SLC39A13: variants seen among roughly 807,000 people sequenced by gnomAD.
SLC39A13 encodes zinc transporter ZIP13.
Under a neutral mutation model 38.7 loss-of-function variants are expected in SLC39A13, and 18 were observed. The observed-to-expected ratio is 0.47, with a 90% CI of 0.32 to 0.69. The LOEUF (loss-of-function observed/expected upper bound fraction) is 0.69, where lower values mean the gene tolerates loss of function less well. SLC39A13 is among the 30% of genes least tolerant of loss of function. The probability of loss-of-function intolerance (pLI) is 0.03; values close to 1 mark genes in which losing one functional copy is unlikely to be tolerated. For missense variants in SLC39A13, 395 were observed against 490.7 expected, an observed-to-expected ratio of 0.80 and a Z score of 1.84; for synonymous variants, 212 against 219.1, an observed-to-expected ratio of 0.97 and a Z score of 0.29.
At chr11:47,407,890 T>C (rs1186473471), upstream of SLC39A13, among the ~76,000 whole-genome samples, 2 of 152,232 alleles carry the variant, frequency 1.3e-5, no homozygotes, top group African/African-American at 4.8e-5. Context: ...TCTAGCTTCC[T>C]CCAGGTGAGG....
rs1374450321 is a variant in SLC39A13, at chr11:47,415,593, G to A, written c.*230G>A. 6 of 639,254 alleles carry A rather than the reference G, an allele frequency of 9.4e-6. No homozygotes were observed. Among genetic ancestry groups the A allele is most frequent in the East Asian group, 5.5e-5 (2 of 36,060 alleles). 39.6% of individuals were successfully genotyped at this position (639,254 alleles called of 1,614,324 possible). ...TGCTGGGTCCGGGGCCCAGTGTAGC[G>A]CCTGTCCCCAGCCATGCTGTGGTTA... On this transcript the variant is annotated 3_prime_UTR_variant, in exon 10 of 10. Transcript: ENST00000362021.
In SLC39A13 at chr11:47,411,930, G is replaced by C. The variant is rs1373427652; in HGVS notation, c.306G>C (p.Gly102=). The change falls in exon 3 of 10, where the codon GGG becomes GGC. Residue 102 remains glycine, a synonymous_variant. Transcript: ENST00000362021. The part of the protein sequence containing the change: ...EMGTMLRSEA[G]AWRLKQLLSF... ...CCCCGCATCTCTCCCTTGTAGCTGG[G>C]GCCTGGCGCCTGAAGCAGCTGCTCA... The C allele has an allele frequency of 6.2e-7, 1 of 1,613,120 alleles. No individual in the cohort carries two copies. Among genetic ancestry groups the C allele is most frequent in the Non-Finnish European group, 8.5e-7 (1 of 1,179,716 alleles).
At chr11:47,409,986 GA>G (rs2095989268) in intron 1 of SLC39A13, 100 bp from the exon 2 acceptor site, 1 of 1,413,158 alleles carries the variant, frequency 7.1e-7, no homozygotes, top group East Asian at 2.3e-5. Flanking sequence ...CAGGAGGGTG[GA>G]TGCCAGGGTC....
intron 4 of SLC39A13, among the ~76,000 whole-genome samples, chr11:47,413,090 C>T (rs756268768): frequency 2.7e-4 from 41 of 151,542 alleles, no homozygotes; most frequent in African/African-American, 9.0e-4. Context: ...GGCGCGATCT[C>T]GGCTCACTAC....
chr11:47,412,580 TC>T (rs2096005234), intron 4 of SLC39A13, 113 bp downstream of exon 4: 8 of 1,568,784 alleles, frequency 5.1e-6, no homozygotes, highest in Non-Finnish European at 6.1e-6. Flanking sequence ...CTCCTGGCCC[TC>T]TCCTGGGAGC....
At chr11:47,415,225 G>A in intron 9 of SLC39A13, 63 bp from the exon 10 acceptor site, 1 of 1,613,170 alleles carries the variant, frequency 6.2e-7, no homozygotes, top group South Asian at 1.1e-5. Context: ...GGAGGGAAGG[G>A]CTCCTGGCCG....
intron 9 of SLC39A13, 43 bp downstream of exon 9, chr11:47,415,202 C>T (rs772157149): frequency 6.2e-7 from 1 of 1,612,536 alleles, no homozygotes; most frequent in Non-Finnish European, 8.5e-7. Context: ...CTCACAGGGC[C>T]CTTAGGGGCT....
chr11:47,410,442 G>C (rs2095993051), intron 2 of SLC39A13, 47 bp downstream of exon 2: 1 of 1,605,870 alleles, frequency 6.2e-7, no homozygotes, highest in South Asian at 1.1e-5. Context: ...GGTGTGGGAA[G>C]CATGCTGCTG....
At position 47,415,917 on chromosome 11, in the gene SLC39A13, A is replaced by C. The variant is rs2096025484; in HGVS notation, c.*554A>C. 1 of 195,944 alleles carries C rather than the reference A, an allele frequency of 5.1e-6. No homozygotes were observed. The highest frequency in any genetic ancestry group is 2.3e-5 in the African/African-American group (1 of 42,842). 12.1% of individuals were successfully genotyped at this position (195,944 alleles called of 1,614,324 possible). A position where few individuals can be genotyped will look rare whatever the true frequency, so the allele number is the denominator to read the frequency against. On this transcript the variant is annotated 3_prime_UTR_variant, in exon 10 of 10. Coordinates refer to ENST00000362021, the MANE Select transcript of SLC39A13 (RefSeq NM_001128225.3). Reference sequence around the variant, plus strand: ...GTGCTCCTGTACCCCAGCCCCACTCAGCACTGACAGTCCCCAGCTCCTAGT... The same window carrying C: ...GTGCTCCTGTACCCCAGCCCCACTCCGCACTGACAGTCCCCAGCTCCTAGT...
In SLC39A13 at chr11:47,415,283, C is replaced by G. The variant is rs765891564; in HGVS notation, c.1041-5C>G. 10 of 1,613,882 alleles carry G rather than the reference C, an allele frequency of 6.2e-6. No homozygotes were observed. The highest frequency in any genetic ancestry group is 4.0e-5 in the African/African-American group (3 of 74,926). On this transcript the variant is annotated splice_region_variant and splice_polypyrimidine_tract_variant and intron_variant, in intron 9 of 9. Transcript: ENST00000362021. ...CCTCCACCGTGAGCCGTTCCCTCCCCACAGGCGCTCCCTGCAGCAGCTGCT... is the reference window on the plus strand; with the variant it reads ...CCTCCACCGTGAGCCGTTCCCTCCCGACAGGCGCTCCCTGCAGCAGCTGCT...
rs527478070 is a variant in SLC39A13, at chr11:47,410,387, G to T, written c.293G>T (p.Arg98Leu). 3 of 1,613,956 alleles carry T rather than the reference G, an allele frequency of 1.9e-6. No homozygotes were observed. The highest frequency in any genetic ancestry group is 2.2e-5 in the South Asian group (2 of 91,082). ...CCCCTAGAGATGGGGACCATGCTGC[G>T]CTCAGAAGGTAGGTGACTCTCCGGT... ...VIPLEMGTMLRSEAGAWRLKQ... is the reference protein window; with the variant it reads ...VIPLEMGTMLLSEAGAWRLKQ... The change falls in exon 2 of 10, where the codon CGC becomes CTC. Residue 98 changes from arginine (R) to leucine (L), a missense_variant. Transcript: ENST00000362021.
Position 47,410,259 on chromosome 11 carries a change from C to T in SLC39A13, c.165C>T (p.Ser55=), listed in dbSNP as rs1565660368. Residue 55 remains serine (S), a synonymous_variant, in exon 2 of 10, where the codon TCC becomes TCT. Coordinates refer to ENST00000362021, the MANE Select transcript of SLC39A13 (RefSeq NM_001128225.3). ...GCCTGGACAACAAGGAAAGCGAGTC[C>T]TGGGGGGCTCTGCTGAGCGGAGAGC... ...ACRLDNKESE[S]WGALLSGERL... The T allele has an allele frequency of 3.7e-6, 6 of 1,614,040 alleles. No individual in the cohort carries two copies. In the Admixed American group the frequency reaches 1.0e-4, roughly 27 times the overall value.
chr11:47,410,441 A>G (rs765208667), intron 2 of SLC39A13, 46 bp downstream of exon 2: 28 of 1,607,752 alleles, frequency 1.7e-5, no homozygotes, highest in Non-Finnish European at 2.3e-5. Context: ...GGGTGTGGGA[A>G]GCATGCTGCT....
intron 9 of SLC39A13, 56 bp from the exon 10 acceptor site, chr11:47,415,232 G>GCC: frequency 6.2e-7 from 1 of 1,613,348 alleles, no homozygotes; most frequent in South Asian, 1.1e-5. Context: ...AGGGCTCCTG[G>GCC]CCGCTGCCTG....
chr11:47,410,295 C>T lies in SLC39A13; in HGVS notation c.201C>T (p.Thr67=). ...TGCTGAGCGGAGAGCGGCTGGACAC[C>T]TGGATCTGCTCCCTCCTGGGTTCCC... ...GALLSGERLD[T]WICSLLGSLM... The change falls in exon 2 of 10, where the codon ACC becomes ACT. Residue 67 remains threonine, a synonymous_variant. Coordinates refer to ENST00000362021, the MANE Select transcript of SLC39A13 (RefSeq NM_001128225.3). The T allele has an allele frequency of 6.2e-7, 1 of 1,614,140 alleles. No homozygotes were observed. The highest frequency in any genetic ancestry group is 1.7e-5 in the Admixed American group (1 of 60,024).
chr11:47,412,997 T>C (rs927058784), intron 4 of SLC39A13, among the ~76,000 whole-genome samples: 4 of 150,660 alleles, frequency 2.7e-5, no homozygotes, highest in African/African-American at 7.3e-5. Flanking sequence ...CTTGACTTCT[T>C]GATCCACCCA....
Position 47,412,376 on chromosome 11 carries a change from A to G in SLC39A13, c.446A>G (p.Gln149Arg), listed in dbSNP as rs756421255. 2.5e-6 allele frequency: 4 copies of G among 1,614,154 alleles called. No homozygotes were observed. The highest frequency in any genetic ancestry group is 3.4e-6 in the Non-Finnish European group (4 of 1,179,992). Reference protein sequence around the residue: ...GGEGQSLQQQQQLGLWVIAGI... With the variant: ...GGEGQSLQQQRQLGLWVIAGI... Reference sequence around the variant, plus strand: ...GAGGGGCAGAGCCTGCAGCAGCAGCAACAGCTGGGGCTGTGGGTCATTGCT... The same window carrying G: ...GAGGGGCAGAGCCTGCAGCAGCAGCGACAGCTGGGGCTGTGGGTCATTGCT... Residue 149 changes from glutamine (Q) to arginine (R), a missense_variant, in exon 4 of 10, where the codon CAA becomes CGA. By Grantham distance (43) the Gln-to-Arg change is conservative (BLOSUM62 1). Transcript: ENST00000362021.
chr11:47,414,411 TC>T lies in SLC39A13; in HGVS notation c.736-10del. On this transcript the variant is annotated splice_polypyrimidine_tract_variant and intron_variant, in intron 6 of 9. Coordinates refer to ENST00000362021, the MANE Select transcript of SLC39A13 (RefSeq NM_001128225.3). ...TCAACACAGACCCCGCAGCCACGGCTCCCCTCCCTGCAGATCGGGCTCCTGA... is the reference window on the plus strand; with the variant it reads ...TCAACACAGACCCCGCAGCCACGGCTCCCTCCCTGCAGATCGGGCTCCTGA... 6.2e-7 allele frequency: 1 copy of T among 1,606,210 alleles called. No individual in the cohort carries two copies. Among genetic ancestry groups the T allele is most frequent in the Middle Eastern group, 1.7e-4 (1 of 6,048 alleles).
chr11:47,414,082 C>G (rs979548904), intron 6 of SLC39A13: 11 of 610,984 alleles, frequency 1.8e-5, no homozygotes, highest in Non-Finnish European at 2.9e-5. Context: ...GAGCGGCTGA[C>G]GACTCATCCT....
Sources: allele counts gnomAD v4.1 joint callset (sites outside exome capture counted in the v4.1 genomes callset), GRCh38; gene constraint gnomAD v4.1.1; transcripts MANE v1.5; gene names NCBI Gene and HGNC (gene_info 2026-07-23, HGNC 2026-07-21).